The following CDK5RAP2 variants were observed in gnomAD, a reference collection of about 807,000 sequenced individuals.
The protein encoded by CDK5RAP2 is CDK5 regulatory subunit associated protein 2.
In CDK5RAP2, 147 loss-of-function variants were observed where a neutral mutation model predicts 232.9. The ratio of observed to expected loss-of-function variants is 0.63; its 90% confidence interval spans 0.55 to 0.72. The LOEUF (loss-of-function observed/expected upper bound fraction) is 0.72. Among genes scored for constraint, CDK5RAP2 ranks in the 30% least tolerant of loss-of-function variants. The pLI is 0.00. For synonymous variants in CDK5RAP2, 833 were observed against 833.7 expected, an observed-to-expected ratio of 1.00 and a Z score of 0.01; for missense variants, 2,195 against 2,231.5, an observed-to-expected ratio of 0.98 and a Z score of 0.33.
rs112220383 is a variant in CDK5RAP2 at position 120,555,137 on chromosome 9, G to T, written c.196-4235C>A. Among the ~76,000 whole-genome samples the T allele has an allele frequency of 6.3e-4, 95 of 149,812 alleles. 1 individual carries two copies. Among genetic ancestry groups the T allele is most frequent in the African/African-American group, 2.3e-3 (92 of 40,884 alleles). Reference sequence around the variant, plus strand: ...CTATTAGAATGGCTAAATTTTTTTGGGGGGGGGTGGGGGGCGGTGGGTAGA... The same window carrying T: ...CTATTAGAATGGCTAAATTTTTTTGTGGGGGGGTGGGGGGCGGTGGGTAGA... On this transcript the variant is annotated intron_variant, in intron 3 of 37. Transcript: ENST00000349780.
At chr9:120,551,616 C>T (rs1328837363) in intron 3 of CDK5RAP2, among the ~76,000 whole-genome samples, 1 of 152,076 alleles carries the variant, frequency 6.6e-6, no homozygotes, top group African/African-American at 2.4e-5. Flanking sequence ...GAACATTCTG[C>T]AAAACAACAG....
At chr9:120,571,941 T>C (rs2042869713) in intron 2 of CDK5RAP2, 33 bp downstream of exon 2, 11 of 1,558,312 alleles carry the variant, frequency 7.1e-6, no homozygotes, top group Non-Finnish European at 9.7e-6. Flanking sequence ...CCTTGTTCTT[T>C]ACTCAAGAGA....
intron 14 of CDK5RAP2, among the ~76,000 whole-genome samples, chr9:120,484,303 G>C (rs1330958264): frequency 6.6e-6 from 1 of 152,200 alleles, no homozygotes; most frequent in Admixed American, 6.5e-5. Context: ...TCTTGGGGCC[G>C]GGGGAGTCGG....
In CDK5RAP2 at chr9:120,408,393, C is replaced by T. The variant is rs1017376531; in HGVS notation, c.4680G>A (p.Glu1560=). 6.2e-7 allele frequency: 1 copy of T among 1,614,074 alleles called. No homozygotes were observed. Among genetic ancestry groups the T allele is most frequent in the African/African-American group, 1.3e-5 (1 of 74,928 alleles). ...CATCCAGCTTCTCATACGCCTTCAG[C>T]TCCACTCGGAGAGACTGCAATAGCT... ...NDKLLQSLRV[E]LKAYEKLDEE... The change falls in exon 31 of 38, where the codon GAG becomes GAA. Residue 1560 remains glutamate (E), a synonymous_variant. Transcript: ENST00000349780.
chr9:120,568,900 T>G (rs752581573), intron 2 of CDK5RAP2, among the ~76,000 whole-genome samples: 1 of 152,070 alleles, frequency 6.6e-6, no homozygotes, highest in African/African-American at 2.4e-5. Context: ...ATAAACAAAG[T>G]GGTTGTGTTC....
At chr9:120,522,227 G>A (rs769219545) in intron 11 of CDK5RAP2, among the ~76,000 whole-genome samples, 50 of 152,198 alleles carry the variant, frequency 3.3e-4, no homozygotes, top group African/African-American at 1.0e-3. Context: ...CTGCACTGAT[G>A]TCAATGACCT....
chr9:120,552,726 G>A (rs931028035), intron 3 of CDK5RAP2, among the ~76,000 whole-genome samples: 1 of 150,494 alleles, frequency 6.6e-6, no homozygotes, highest in Non-Finnish European at 1.5e-5. Context: ...ATAGCATTAG[G>A]AGATATACCT....
At chr9:120,470,055 CAACA>C (rs1278645736) in intron 17 of CDK5RAP2, 52 bp downstream of exon 17, 15 of 905,462 alleles carry the variant, frequency 1.7e-5, no homozygotes, top group East Asian at 2.6e-5. Context: ...ACCCAAGATA[CAACA>C]AACAATCTAA....
chr9:120,513,664 T>G (rs2040196688), intron 12 of CDK5RAP2, among the ~76,000 whole-genome samples: 2 of 152,246 alleles, frequency 1.3e-5, no homozygotes, highest in Non-Finnish European at 2.9e-5. Context: ...CCTTTCTCTG[T>G]GCTCCTGTGG....
chr9:120,547,935 T>A lies in CDK5RAP2; in HGVS notation c.307-2145A>T, dbSNP rs1007669762. Among the ~76,000 whole-genome samples the A allele has an allele frequency of 5.3e-5, 8 of 152,204 alleles. No individual in the cohort carries two copies. In the East Asian group the frequency reaches 1.5e-3, roughly 29 times the overall value. ...AAAACTAGAAGCACAATACTTTAAC[T>A]GTCCTTAGACATATAAGTCCACAGG... On this transcript the variant is annotated intron_variant, in intron 4 of 37. Coordinates refer to ENST00000349780, the MANE Select transcript of CDK5RAP2 (RefSeq NM_018249.6).
intron 12 of CDK5RAP2, among the ~76,000 whole-genome samples, chr9:120,505,711 A>G (rs915140148): frequency 4.6e-5 from 7 of 152,248 alleles, no homozygotes; most frequent in Admixed American, 6.5e-5. Context: ...ATATGGAGAA[A>G]GTTGTGGTCT....
intron 20 of CDK5RAP2, among the ~76,000 whole-genome samples, chr9:120,456,358 T>G (rs533760885): frequency 4.0e-4 from 61 of 152,376 alleles, no homozygotes; most frequent in African/African-American, 1.2e-3. Flanking sequence ...ACAACTCCTT[T>G]AACATACTCC....
At chr9:120,435,846 GAATT>G (rs1169169166) in intron 25 of CDK5RAP2, among the ~76,000 whole-genome samples, 2 of 151,968 alleles carry the variant, frequency 1.3e-5, no homozygotes, top group East Asian at 1.9e-4. Flanking sequence ...GTAATAAAAG[GAATT>G]AATAGAGAAT....
Position 120,528,767 on chromosome 9 carries a change from T to G in CDK5RAP2, c.856A>C (p.Asn286His), listed in dbSNP as rs746180961. 1 of 1,609,568 alleles carries G rather than the reference T, an allele frequency of 6.2e-7. No individual in the cohort carries two copies. Among genetic ancestry groups the G allele is most frequent in the South Asian group, 1.1e-5 (1 of 90,990 alleles). Residue 286 changes from asparagine (N) to histidine (H), a missense_variant, in exon 9 of 38, where the codon AAC becomes CAC. Transcript: ENST00000349780. Reference sequence around the variant, plus strand: ...ACCTGGATCCTCTCTTCAAAGCTGTTTCTCTCCTTCTGATGCTCCATTTGT... The same window carrying G: ...ACCTGGATCCTCTCTTCAAAGCTGTGTCTCTCCTTCTGATGCTCCATTTGT... ...AAQMEHQKER[N>H]SFEERIQALE...
intron 2 of CDK5RAP2, 59 bp downstream of exon 2, chr9:120,571,915 G>A: frequency 7.4e-7 from 1 of 1,348,432 alleles, no homozygotes; most frequent in Non-Finnish European, 1.1e-6. Context: ...GATGCTCACA[G>A]TCCAATGTCT....
chr9:120,569,581 G>A (rs1179135275), intron 2 of CDK5RAP2, among the ~76,000 whole-genome samples: 1 of 152,176 alleles, frequency 6.6e-6, no homozygotes, highest in Non-Finnish European at 1.5e-5. Context: ...TGTGGGTCTG[G>A]GGAACAGTCA....
chr9:120,439,196 C>T (rs941304537), intron 24 of CDK5RAP2, among the ~76,000 whole-genome samples: 12 of 152,172 alleles, frequency 7.9e-5, no homozygotes, highest in Non-Finnish European at 1.0e-4. Context: ...CGTTCAAGTG[C>T]GTGGTCGCTG....
chr9:120,543,693 T>C (rs186355787), intron 5 of CDK5RAP2, among the ~76,000 whole-genome samples: 243 of 152,182 alleles, frequency 1.6e-3, no homozygotes, highest in African/African-American at 5.6e-3. Flanking sequence ...ACCCCATCTC[T>C]ACAAAAATAC....
At position 120,419,926 on chromosome 9, in the gene CDK5RAP2, G is replaced by A. The variant is rs144012972; in HGVS notation, c.4039C>T (p.Leu1347=). The change falls in exon 27 of 38, where the codon CTG becomes TTG. Residue 1347 remains leucine, a synonymous_variant. Coordinates refer to ENST00000349780, the MANE Select transcript of CDK5RAP2 (RefSeq NM_018249.6). ...EEDNLTYQHL[L]PESPEPSASH... ...GCTGAAGGCTCAGGAGATTCAGGCA[G>A]AAGATGTTGGTAGGTTAAGTTGTCT... The A allele has an allele frequency of 3.1e-6, 5 of 1,614,036 alleles. No homozygotes were observed. Among genetic ancestry groups the A allele is most frequent in the Non-Finnish European group, 3.4e-6 (4 of 1,179,900 alleles).
Sources: gnomAD v4.1 joint callset for allele counts (sites outside exome capture counted in the v4.1 genomes callset) on GRCh38, gnomAD v4.1.1 for gene constraint, MANE v1.5 for transcripts, NCBI Gene and HGNC (gene_info 2026-07-23, HGNC 2026-07-21) for gene names.